ANKRD28: variants seen among roughly 807,000 people sequenced by gnomAD.
ANKRD28 encodes the protein serine/threonine-protein phosphatase 6 regulatory ankyrin repeat subunit A.
A neutral mutation model predicts 126.5 loss-of-function variants in ANKRD28; 44 were observed. The ratio of observed to expected loss-of-function variants is 0.35; its 90% confidence interval spans 0.27 to 0.45. The LOEUF (loss-of-function observed/expected upper bound fraction) is 0.45. ANKRD28 is among the 20% of genes least tolerant of loss of function. The pLI is 1.00. For synonymous variants in ANKRD28, 442 were observed against 468.5 expected (o/e 0.94, Z 0.73); for missense variants, 1,110 against 1,316.6 (o/e 0.84, Z 2.43).
chr3:15,744,954 T>G (rs1041485582), intron 4 of ANKRD28, among the ~76,000 whole-genome samples: 1 of 152,196 alleles, frequency 6.6e-6, no homozygotes, highest in African/African-American at 2.4e-5. Context: ...AGTAAAGTGG[T>G]ATCGCTTTGT....
chr3:15,688,518 T>C (rs1160027708), intron 18 of ANKRD28, among the ~76,000 whole-genome samples: 1 of 152,354 alleles, frequency 6.6e-6, no homozygotes, highest in Non-Finnish European at 1.5e-5. Context: ...GTAGTGTATA[T>C]ATGTTTATTA....
chr3:15,727,657 G>A lies in ANKRD28; in HGVS notation c.641-3133C>T, dbSNP rs1045907178. Among the ~76,000 whole-genome samples the A allele has an allele frequency of 2.0e-5, 3 of 151,420 alleles. No individual in the cohort carries two copies. In the South Asian group the frequency reaches 6.3e-4, roughly 32 times the overall value. ...AAGTATTATTATTAACAGGAGTTTG[G>A]AAGAAGTTGATTCCAACCCTCATGG... On this transcript the variant is annotated intron_variant, in intron 6 of 27. Coordinates refer to ENST00000683139, the MANE Select transcript of ANKRD28 (RefSeq NM_001349278.2).
chr3:15,784,811 T>G (rs1162843478), intron 2 of ANKRD28, among the ~76,000 whole-genome samples: 1 of 151,952 alleles, frequency 6.6e-6, no homozygotes, highest in Non-Finnish European at 1.5e-5. Flanking sequence ...AGTAAATGAA[T>G]GGAGAGGATT....
At chr3:15,729,397 C>T (rs887045603) in intron 6 of ANKRD28, among the ~76,000 whole-genome samples, 2 of 152,174 alleles carry the variant, frequency 1.3e-5, no homozygotes, top group African/African-American at 4.8e-5. Flanking sequence ...CCTTTCCTGA[C>T]CAACCCAATC....
rs1389576737 is a variant in ANKRD28, at chr3:15,690,713, C to T, written c.1762-493G>A. On this transcript the variant is annotated intron_variant, in intron 17 of 27. Transcript: ENST00000683139. ...CTGAGTAGCAGGGACCAGAGGTACA[C>T]GTCACCATGCCCAGCTAATTTTTCT... Among the ~76,000 whole-genome samples, 18 of 152,276 alleles carry T rather than the reference C, an allele frequency of 1.2e-4. 1 individual carries two copies. The South Asian group carries it at 1.7e-3, about 14-fold the overall frequency.
rs199673417 is a variant in ANKRD28, at chr3:15,812,871, TCA to T, written c.28-17567_28-17566del. Among the ~76,000 whole-genome samples the T allele has an allele frequency of 3.1e-3, 470 of 152,232 alleles. 1 individual carries two copies. The highest frequency in any genetic ancestry group is 0.023 in the East Asian group (118 of 5,190). On this transcript the variant is annotated intron_variant, in intron 1 of 27. Transcript: ENST00000399451. The surrounding 1 kb of genome is among the most constrained non-coding windows in gnomAD (Gnocchi z 4.1). ...AGGTAAAGATTCACAATCAGAGATTTCATAAAGAATTCAGAATTTCTAAAAGG... is the reference window on the plus strand; with the variant it reads ...AGGTAAAGATTCACAATCAGAGATTTTAAAGAATTCAGAATTTCTAAAAGG...
chr3:15,859,162 G>C (rs1167104458), intron 1 of ANKRD28, among the ~76,000 whole-genome samples: 2 of 152,178 alleles, frequency 1.3e-5, no homozygotes, highest in Non-Finnish European at 2.9e-5. Context: ...CTAGACCCCC[G>C]TCGGCACGTG....
At chr3:15,730,225 C>CATCACAATAAAGTAAA (rs1422646048) in intron 6 of ANKRD28, among the ~76,000 whole-genome samples, 2 of 152,090 alleles carry the variant, frequency 1.3e-5, no homozygotes, top group African/African-American at 4.8e-5. Context: ...TGAAGCTAAA[C>CATCACAATAAAGTAAA]TTGGCTGAAT....
At chr3:15,796,253 T>G in intron 1 of ANKRD28, 152 bp downstream of exon 1, 1 of 285,546 alleles carries the variant, frequency 3.5e-6, no homozygotes. Flanking sequence ...AATGTGCATT[T>G]TATACAAAAA....
In ANKRD28 at chr3:15,853,812, C is replaced by A. The variant is rs1325751906; in HGVS notation, c.27+5565G>T. Among the ~76,000 whole-genome samples the A allele has an allele frequency of 6.6e-6, 1 of 152,000 alleles. No individual in the cohort carries two copies. Among genetic ancestry groups the A allele is most frequent in the Non-Finnish European group, 1.5e-5 (1 of 67,992 alleles). The stretch of plus-strand genomic sequence containing the variant: ...TGTATTTTCATAATGTTGAATTTAC[C>A]CTACTGGAACTATGTATCCAAAAAA... On this transcript the variant is annotated intron_variant, in intron 1 of 27. Transcript: ENST00000399451. The surrounding 1 kb of genome is among the most constrained non-coding windows in gnomAD (Gnocchi z 4.2).
rs148965028 is a variant in ANKRD28 at position 15,811,215 on chromosome 3, A to G, written c.28-15909T>C. Among the ~76,000 whole-genome samples, 272 of 152,308 alleles carry G rather than the reference A, an allele frequency of 1.8e-3. 1 individual carries two copies. The highest frequency in any genetic ancestry group is 6.0e-3 in the African/African-American group (248 of 41,572). ...GTTTTATTTTGATCTTTAAAAGAAT[A>G]AGAGAATGCTTTATTAGAAGAAATT... On this transcript the variant is annotated intron_variant, in intron 1 of 27. Transcript: ENST00000399451.
At chr3:15,717,025 A>G (rs2073155858) in intron 8 of ANKRD28, among the ~76,000 whole-genome samples, 2 of 152,192 alleles carry the variant, frequency 1.3e-5, no homozygotes, top group Admixed American at 1.3e-4. Context: ...TTTAATTCTC[A>G]CAACCCTATC....
At chr3:15,793,860 G>GT (rs1342644422) in intron 2 of ANKRD28, among the ~76,000 whole-genome samples, 1 of 152,222 alleles carries the variant, frequency 6.6e-6, no homozygotes, top group Admixed American at 6.5e-5. Context: ...GAGATCAGGA[G>GT]TTTGAGACCA....
chr3:15,685,254 A>G lies in ANKRD28; in HGVS notation c.2361T>C (p.Tyr787=), dbSNP rs2067977529. 5.6e-6 allele frequency: 9 copies of G among 1,614,024 alleles called. No homozygotes were observed. Among genetic ancestry groups the G allele is most frequent in the Non-Finnish European group, 7.6e-6 (9 of 1,179,882 alleles). Residue 787 remains tyrosine (Y), a synonymous_variant, in exon 21 of 28, where the codon TAT becomes TAC. Transcript: ENST00000683139. ...TGTAGCAAGCCCAGTGAAGTGCCGT[A>G]TATCCATGATTGTCTGCTGTGGCTG... The part of the protein sequence containing the change: ...ANPATADNHG[Y]TALHWACYNG...
rs1208238925 is a variant in ANKRD28 at position 15,667,699 on chromosome 3, T to C, written c.*2571A>G. The C allele has an allele frequency of 1.3e-5, 2 of 151,650 alleles. No individual in the cohort carries two copies. Among genetic ancestry groups the C allele is most frequent in the Non-Finnish European group, 2.9e-5 (2 of 68,024 alleles). The allele number at this position is 151,650 out of a possible 1,614,324, so 9.4% of individuals were successfully genotyped here. ...TTCATTGGGTGCAGACCAAAGGAAG[T>C]GGTTAAGCTGGGGGGCAGACTCTCA... On this transcript the variant is annotated 3_prime_UTR_variant, in exon 28 of 28. Transcript: ENST00000683139.
chr3:15,753,670 A>C (rs2057996755), intron 3 of ANKRD28, among the ~76,000 whole-genome samples: 1 of 152,188 alleles, frequency 6.6e-6, no homozygotes, highest in Non-Finnish European at 1.5e-5. Context: ...AGAAGGGCAC[A>C]GGGGCTCATG....
At chr3:15,837,452 A>G (rs1288155581) in intron 1 of ANKRD28, among the ~76,000 whole-genome samples, 2 of 152,226 alleles carry the variant, frequency 1.3e-5, no homozygotes, top group Non-Finnish European at 2.9e-5. Flanking sequence ...ATGTTTTTCA[A>G]TCACTGTATA....
intron 24 of ANKRD28, 21 bp downstream of exon 24, chr3:15,678,188 A>C (rs911204132): frequency 1.9e-6 from 3 of 1,592,310 alleles, no homozygotes; most frequent in Non-Finnish European, 2.6e-6. Flanking sequence ...GGAAAATACA[A>C]TTTTAAAGAA....
chr3:15,696,367 A>T (rs1575202614), intron 14 of ANKRD28, 122 bp from the exon 15 acceptor site: 5 of 596,768 alleles, frequency 8.4e-6, no homozygotes, highest in Non-Finnish European at 1.4e-5. Context: ...AAAATCATAA[A>T]TGTATTACAC....
Sources: allele counts gnomAD v4.1 joint callset (sites outside exome capture counted in the v4.1 genomes callset), GRCh38; gene constraint gnomAD v4.1.1; non-coding constraint Gnocchi (gnomAD v3.1); transcripts MANE v1.5; gene names NCBI Gene and HGNC (gene_info 2026-07-23, HGNC 2026-07-21).